Variants in TG observed in about 807,000 individuals in gnomAD.
TG encodes the protein thyroid hormones.
A neutral mutation model predicts 324.7 loss-of-function variants in TG; 270 were observed. The ratio of observed to expected loss-of-function variants is 0.83; its 90% CI spans 0.75 to 0.92. The LOEUF is 0.92. TG is among the 40% of genes least tolerant of loss of function. TG has a pLI of 0.00. For missense variants in TG, 3,591 were observed against 3,456.4 expected (o/e 1.04, Z -0.98); for synonymous variants, 1,401 against 1,327.0 (o/e 1.06, Z -1.21).
At chr8:132,968,780 G>A (rs1018625801) in intron 31 of TG, among the ~76,000 whole-genome samples, 5 of 152,190 alleles carry the variant, frequency 3.3e-5, no homozygotes, top group African/African-American at 1.2e-4. Context: ...TCAACACCTG[G>A]CCTTGGGGCA....
Position 132,966,762 on chromosome 8 carries a change from C to T in TG, c.5686+65C>T, listed in dbSNP as rs1034286321. On this transcript the variant is annotated intron_variant, in intron 30 of 47. Coordinates refer to ENST00000220616, the MANE Select transcript of TG (RefSeq NM_003235.5). ...TGTAGTCAGGCATCACAGGCCAAGT[C>T]TGGCAACTCCTGAGACACAGATAAG... is the stretch of plus-strand genomic sequence containing the variant. 11 of 1,608,034 alleles carry T rather than the reference C, an allele frequency of 6.8e-6. No individual in the cohort carries two copies. The African/African-American group carries it at 1.5e-4, about 21-fold the overall frequency.
chr8:132,969,633 A>G (rs12548839), intron 32 of TG, 64 bp downstream of exon 32: 3 of 1,233,450 alleles, frequency 2.4e-6, no homozygotes, highest in Non-Finnish European at 3.6e-6. Context: ...AGAAGATGAC[A>G]CAATCACAGC....
At chr8:132,901,578 C>G in intron 16 of TG, 25 bp downstream of exon 16, 11 of 1,604,640 alleles carry the variant, frequency 6.9e-6, no homozygotes, top group Non-Finnish European at 9.4e-6. Flanking sequence ...CCTGGGGGGA[C>G]GACGAGGCCT....
chr8:132,995,427 G>A (rs1832779282), intron 35 of TG: 1 of 985,192 alleles, frequency 1.0e-6, no homozygotes, highest in Admixed American at 6.2e-5. Context: ...AGGCAGCTGT[G>A]TGAGCTTGGG....
intron 43 of TG, among the ~76,000 whole-genome samples, chr8:133,100,619 C>A (rs1264013995): frequency 1.3e-5 from 2 of 152,106 alleles, no homozygotes; most frequent in Admixed American, 6.5e-5. Context: ...AGAGAGAAAC[C>A]AGAATTAAAA....
chr8:133,049,993 A>G (rs373736328), intron 41 of TG: 1 of 1,589,694 alleles, frequency 6.3e-7, no homozygotes, highest in Non-Finnish European at 8.6e-7. Context: ...CCTTCACTGT[A>G]AGAACAAGAA....
intron 16 of TG, among the ~76,000 whole-genome samples, chr8:132,905,897 A>G (rs1156285409): frequency 6.6e-6 from 1 of 152,196 alleles, no homozygotes; most frequent in Non-Finnish European, 1.5e-5. Context: ...AGACAGGAGC[A>G]GGCAGAAGGA....
intron 34 of TG, among the ~76,000 whole-genome samples, chr8:132,979,970 A>G (rs1228461632): frequency 1.3e-5 from 2 of 152,136 alleles, no homozygotes; most frequent in African/African-American, 2.4e-5. Flanking sequence ...CTTGGGGTCA[A>G]TAATTTGCTA....
intron 5 of TG, among the ~76,000 whole-genome samples, chr8:132,879,937 G>A (rs989343819): frequency 2.0e-5 from 3 of 152,336 alleles, no homozygotes; most frequent in South Asian, 2.1e-4. Context: ...TTGAATTAGC[G>A]AAGCATGGAA....
At chr8:132,943,723 A>G (rs1401694678) in intron 26 of TG, among the ~76,000 whole-genome samples, 1 of 152,108 alleles carries the variant, frequency 6.6e-6, no homozygotes, top group East Asian at 1.9e-4. Flanking sequence ...CTGCAAGCTG[A>G]GACCCTGTCT....
At chr8:133,023,187 T>C (rs1034577778) in intron 40 of TG, among the ~76,000 whole-genome samples, 1 of 152,224 alleles carries the variant, frequency 6.6e-6, no homozygotes, top group Non-Finnish European at 1.5e-5. Flanking sequence ...GAAACCTGGA[T>C]GACCACATGG....
chr8:132,936,731 A>G (rs78688763), intron 25 of TG, among the ~76,000 whole-genome samples: 7,121 of 151,020 alleles, frequency 0.047, 541 homozygotes, highest in African/African-American at 0.16. Context: ...CACCCTGCTC[A>G]CCCCCTGCCT....
At chr8:133,022,226 C>T in intron 40 of TG, 76 bp downstream of exon 40, 2 of 1,591,366 alleles carry the variant, frequency 1.3e-6, no homozygotes, top group Non-Finnish European at 1.7e-6. Context: ...GACCCATCCC[C>T]TCACTGCCCC....
intron 26 of TG, among the ~76,000 whole-genome samples, chr8:132,942,199 C>T (rs528995628): frequency 6.6e-5 from 10 of 152,294 alleles, no homozygotes; most frequent in African/African-American, 1.4e-4. Flanking sequence ...TCTGGCTGTG[C>T]GATCTTGGAC....
At chr8:132,976,193 C>T (rs1476312198) in intron 34 of TG, among the ~76,000 whole-genome samples, 1 of 152,136 alleles carries the variant, frequency 6.6e-6, no homozygotes, top group Non-Finnish European at 1.5e-5. Context: ...TAACAGAATA[C>T]CACAGACTAG....
At chr8:133,029,777 G>C (rs1028063130) in intron 40 of TG, 44 bp from the exon 41 acceptor site, 13 of 1,612,364 alleles carry the variant, frequency 8.1e-6, no homozygotes, top group Middle Eastern at 1.7e-4. Flanking sequence ...CAAATCCAAG[G>C]TTGTAAAGTC....
At chr8:132,882,736 A>G in intron 7 of TG, 78 bp from the exon 8 acceptor site, 1 of 1,612,522 alleles carries the variant, frequency 6.2e-7, no homozygotes, top group Non-Finnish European at 8.5e-7. Flanking sequence ...AGAATCGTTA[A>G]GAGCAAACAG....
Position 133,120,929 on chromosome 8 carries a change from G to C in TG, c.7862+4213G>C, listed in dbSNP as rs143427484. Among the ~76,000 whole-genome samples, 888 of 152,308 alleles carry C rather than the reference G, an allele frequency of 5.8e-3. 3 individuals are homozygous for C. Among genetic ancestry groups the C allele is most frequent in the South Asian group, 0.018 (89 of 4,830 alleles). ...GGTCCTCAGAGGAGCAATCCTAACAGAGTGGAATCACAACCTCAGACTCCC... is the reference window on the plus strand; with the variant it reads ...GGTCCTCAGAGGAGCAATCCTAACACAGTGGAATCACAACCTCAGACTCCC... On this transcript the variant is annotated intron_variant, in intron 45 of 47. Transcript: ENST00000220616.
Position 132,943,697 on chromosome 8 carries a change from C to T in TG, c.5233+2155C>T, listed in dbSNP as rs555716224. 4.3e-4 allele frequency among the ~76,000 whole-genome samples: 66 copies of T among 152,272 alleles called. 2 individuals carry two copies. The South Asian group carries it at 0.013, about 31-fold the overall frequency. On this transcript the variant is annotated intron_variant, in intron 26 of 47. Transcript: ENST00000220616. The stretch of plus-strand genomic sequence containing the variant: ...GTGCCTTTCCGGTTGCTCTCCTTCT[C>T]TACCACAGCCAGACCCTGCAAGCTG...
Sources: allele counts gnomAD v4.1 joint callset (sites outside exome capture counted in the v4.1 genomes callset), GRCh38; gene constraint gnomAD v4.1.1; transcripts MANE v1.5; gene names NCBI Gene and HGNC (gene_info 2026-07-23, HGNC 2026-07-21).